ALK: variants seen among roughly 807,000 people sequenced by gnomAD.
ALK encodes the protein ALK receptor tyrosine kinase, also known as ALK tyrosine kinase receptor.
In ALK, 74 loss-of-function variants were observed where a neutral mutation model predicts 163.1. The observed-to-expected ratio is 0.45, with a 90% CI of 0.38 to 0.55. ALK has a LOEUF of 0.55. ALK is among the 20% of genes least tolerant of loss of function. The probability of loss-of-function intolerance (pLI) is 0.00; values close to 1 mark genes in which losing one functional copy is unlikely to be tolerated. For missense variants in ALK, 2,063 were observed against 2,105.3 expected (o/e 0.98, Z 0.39); for synonymous variants, 960 against 843.2 (o/e 1.14, Z -2.40).
At chr2:29,914,319 T>G (rs1015642626) in intron 1 of ALK, among the ~76,000 whole-genome samples, 3 of 152,216 alleles carry the variant, frequency 2.0e-5, no homozygotes, top group Admixed American at 1.3e-4. Flanking sequence ...GGTAAGAAGC[T>G]AGTTGAATGG....
At chr2:29,865,177 G>A (rs1347598153) in intron 1 of ALK, among the ~76,000 whole-genome samples, 1 of 152,188 alleles carries the variant, frequency 6.6e-6, no homozygotes, top group Non-Finnish European at 1.5e-5. Context: ...CCTGCTCTGG[G>A]CATGTGTCCT....
chr2:29,262,225 G>A (rs987807293), intron 11 of ALK, among the ~76,000 whole-genome samples: 3 of 151,840 alleles, frequency 2.0e-5, no homozygotes, highest in Non-Finnish European at 4.4e-5. Flanking sequence ...GCTAAGTGAG[G>A]AGGGGCACAT....
chr2:29,601,558 C>G (rs1675380860), intron 3 of ALK, among the ~76,000 whole-genome samples: 1 of 151,894 alleles, frequency 6.6e-6, no homozygotes, highest in Non-Finnish European at 1.5e-5. Flanking sequence ...TCAAGAGTAC[C>G]AGTGGATTTT....
At chr2:29,239,053 C>T (rs1247133719) in intron 13 of ALK, among the ~76,000 whole-genome samples, 1 of 152,060 alleles carries the variant, frequency 6.6e-6, no homozygotes, top group Non-Finnish European at 1.5e-5. Flanking sequence ...TTGGAAAGTC[C>T]CAATTATAGT....
rs535593917 is a variant in ALK, at chr2:29,801,846, G to A, written c.668-84149C>T. Among the ~76,000 whole-genome samples, 444 of 152,252 alleles carry A rather than the reference G, an allele frequency of 2.9e-3. 2 individuals carry two copies. Among genetic ancestry groups the A allele is most frequent in the Non-Finnish European group, 5.5e-3 (376 of 68,008 alleles). On this transcript the variant is annotated intron_variant, in intron 1 of 28. Coordinates refer to ENST00000389048, the MANE Select transcript of ALK (RefSeq NM_004304.5). ...TATTAAGAATCAGCTTTAGGATCCT[G>A]AAGGTCACTTGACTCTTATGTCAGT...
chr2:29,296,777 A>G (rs993624734), intron 9 of ALK, 111 bp downstream of exon 9: 1 of 1,303,740 alleles, frequency 7.7e-7, no homozygotes, highest in African/African-American at 1.5e-5. Flanking sequence ...GTGTGTGGGC[A>G]CATCTGCATG....
rs1187514599 is a variant in ALK, at chr2:29,216,946, GCA to G, written c.3646-2867_3646-2866del. On this transcript the variant is annotated intron_variant, in intron 23 of 28. Coordinates refer to ENST00000389048, the MANE Select transcript of ALK (RefSeq NM_004304.5). Reference sequence around the variant, plus strand: ...ATGGTGTGTGGGGGGTGTGTGTGTGGCATGTGATGTGTGTGTGGTGTGTGCGT... The same window carrying G: ...ATGGTGTGTGGGGGGTGTGTGTGTGGTGTGATGTGTGTGTGGTGTGTGCGT... 5.0e-4 allele frequency among the ~76,000 whole-genome samples: 25 copies of G among 50,116 alleles called. No homozygotes were observed. The Middle Eastern group carries it at 0.039, about 79-fold the overall frequency. 32.9% of individuals were successfully genotyped at this position (50,116 alleles called of 152,430 possible).
At chr2:29,789,901 T>G (rs1172822210) in intron 1 of ALK, among the ~76,000 whole-genome samples, 1 of 152,168 alleles carries the variant, frequency 6.6e-6, no homozygotes, top group Non-Finnish European at 1.5e-5. Flanking sequence ...GGCCTCAGTT[T>G]CCTGTTTATT....
At chr2:29,586,322 G>C (rs1674886868) in intron 3 of ALK, among the ~76,000 whole-genome samples, 1 of 151,488 alleles carries the variant, frequency 6.6e-6, no homozygotes, top group Non-Finnish European at 1.5e-5. Flanking sequence ...AAATATGCTT[G>C]TGTTTCCATT....
chr2:29,219,215 G>C (rs777078907), intron 23 of ALK, among the ~76,000 whole-genome samples: 3 of 152,230 alleles, frequency 2.0e-5, no homozygotes, highest in Non-Finnish European at 4.4e-5. Context: ...GACAGGTGTA[G>C]TCTTTATCTC....
rs577586643 is a variant in ALK at position 29,233,716 on chromosome 2, G to T, written c.2356-20C>A. 1 of 1,614,172 alleles carries T rather than the reference G, an allele frequency of 6.2e-7. No homozygotes were observed. Among genetic ancestry groups the T allele is most frequent in the South Asian group, 1.1e-5 (1 of 91,080 alleles). ...GTTTGTCTGTAGAAACAAAAAGCACGTTAGGTTTGTGGCCAAACCAGAGTT... is the reference window on the plus strand; with the variant it reads ...GTTTGTCTGTAGAAACAAAAAGCACTTTAGGTTTGTGGCCAAACCAGAGTT... On this transcript the variant is annotated intron_variant, in intron 13 of 28. Coordinates refer to ENST00000389048, the MANE Select transcript of ALK (RefSeq NM_004304.5).
intron 1 of ALK, among the ~76,000 whole-genome samples, chr2:29,824,102 C>T (rs1000736542): frequency 5.3e-5 from 8 of 152,198 alleles, no homozygotes; most frequent in Non-Finnish European, 1.0e-4. Context: ...TAGCTTGGGC[C>T]ATGACTTCAG....
rs11358247 is a variant in ALK at position 29,467,242 on chromosome 2, GAAA to G, written c.1154+64670_1154+64672del. 9.1e-3 allele frequency among the ~76,000 whole-genome samples: 1,308 copies of G among 144,254 alleles called. 14 individuals carry two copies. The highest frequency in any genetic ancestry group is 0.03 in the African/African-American group (1,178 of 38,876). The allele number at this position is 144,254 out of a possible 152,430, so 94.6% of individuals were successfully genotyped here. ...CTTATGGAGAGTCTTATTGATAACAGAAAAAAAAAAAAAAATGGCAAGCCAAGT... is the reference window on the plus strand; with the variant it reads ...CTTATGGAGAGTCTTATTGATAACAGAAAAAAAAAAAATGGCAAGCCAAGT... On this transcript the variant is annotated intron_variant, in intron 4 of 28. Coordinates refer to ENST00000389048, the MANE Select transcript of ALK (RefSeq NM_004304.5).
chr2:29,366,711 C>G (rs534719952), intron 5 of ALK, among the ~76,000 whole-genome samples: 1 of 152,226 alleles, frequency 6.6e-6, no homozygotes, highest in East Asian at 1.9e-4. Flanking sequence ...CCCATGTTTA[C>G]TTACACTTCA....
intron 2 of ALK, among the ~76,000 whole-genome samples, chr2:29,708,135 T>A (rs1274648004): frequency 6.6e-6 from 1 of 152,204 alleles, no homozygotes; most frequent in African/African-American, 2.4e-5. Flanking sequence ...TGGTGCAGTC[T>A]CAGCTCACGG....
chr2:29,679,534 A>G (rs976690639), intron 3 of ALK, among the ~76,000 whole-genome samples: 1 of 151,616 alleles, frequency 6.6e-6, no homozygotes, highest in Non-Finnish European at 1.5e-5. Context: ...CATGCATCTT[A>G]GTTTATCACA....
intron 3 of ALK, among the ~76,000 whole-genome samples, chr2:29,584,652 G>T (rs1235526390): frequency 6.6e-6 from 1 of 152,206 alleles, no homozygotes; most frequent in Non-Finnish European, 1.5e-5. Flanking sequence ...AGGACCTGCA[G>T]AACTCCTTCT....
At chr2:29,252,688 CATTTATTTATTT>C in intron 11 of ALK, among the ~76,000 whole-genome samples, 1 of 151,834 alleles carries the variant, frequency 6.6e-6, no homozygotes, top group East Asian at 1.9e-4. Context: ...TTCTGGGCTT[CATTTATTTATTT>C]ATTTATTTAT....
At chr2:29,883,146 AG>A (rs1402398908) in intron 1 of ALK, among the ~76,000 whole-genome samples, 2 of 152,176 alleles carry the variant, frequency 1.3e-5, no homozygotes, top group East Asian at 3.9e-4. Flanking sequence ...AAAAAGAAAA[AG>A]AAAAAGAAAA....
Sources: allele counts gnomAD v4.1 joint callset (sites outside exome capture counted in the v4.1 genomes callset), GRCh38; gene constraint gnomAD v4.1.1; transcripts MANE v1.5; gene names NCBI Gene and HGNC (gene_info 2026-07-23, HGNC 2026-07-21).